LRRC34: variants seen among roughly 807,000 people sequenced by gnomAD.
LRRC34 encodes leucine rich repeat containing 34, also known as leucine-rich repeat-containing protein 34.
Under a neutral mutation model 48.5 loss-of-function variants are expected in LRRC34, and 44 were observed. The observed-to-expected ratio is 0.91, with a 90% CI of 0.71 to 1.17. LRRC34 has a LOEUF of 1.17. LRRC34 is among the 50% of genes most tolerant of loss of function. The pLI is 0.00. For synonymous variants in LRRC34, 192 were observed against 197.6 expected, an observed-to-expected ratio of 0.97 and a Z score of 0.24; for missense variants, 502 against 563.0, an observed-to-expected ratio of 0.89 and a Z score of 1.10.
Position 169,807,644 on chromosome 3 carries a change from G to A in LRRC34, c.323C>T (p.Thr108Ile), listed in dbSNP as rs1335091702. The A allele has an allele frequency of 7.9e-6, 12 of 1,515,196 alleles. No individual in the cohort carries two copies. Among genetic ancestry groups the A allele is most frequent in the African/African-American group, 1.5e-5 (1 of 67,520 alleles). The allele number at this position is 1,515,196 out of a possible 1,614,324, so 93.9% of individuals were successfully genotyped here. The change falls in exon 3 of 11, where the codon ACA (threonine) becomes ATA (isoleucine). Residue 108 changes from threonine to isoleucine, a missense_variant. Physicochemically the swap from Thr to Ile is moderately conservative, Grantham distance 89. Coordinates refer to ENST00000446859, the MANE Select transcript of LRRC34 (RefSeq NM_001172779.2). The part of the protein sequence containing the change: ...NNRLVPVERV[T>I]GEDFWILSKI... Reference sequence around the variant, plus strand: ...GGAAAGAATCCAAAAATCTTCACCTGTAACTCTTTCTACTGGCACTAAGCG... The same window carrying A: ...GGAAAGAATCCAAAAATCTTCACCTATAACTCTTTCTACTGGCACTAAGCG...
chr3:169,796,979 A>C, intron 7 of LRRC34, 80 bp from the exon 8 acceptor site: 1 of 1,131,564 alleles, frequency 8.8e-7, no homozygotes, highest in Non-Finnish European at 1.2e-6. Flanking sequence ...CTGTTATTTA[A>C]ATTAGCTTTT....
Position 169,807,438 on chromosome 3 carries a change from C to T in LRRC34, c.432G>A (p.Ala144=), listed in dbSNP as rs147903682. ...LLCDVGAYYA[A]KLLQKQLNLI... is the part of the protein sequence containing the mutation. ...AGTAAAATAATACCTGAAGCAGTTT[C>T]GCAGCATAGTATGCACCAACATCAC... The change falls in exon 4 of 11, where the codon GCG becomes GCA. Residue 144 remains alanine (A), a synonymous_variant. Transcript: ENST00000446859. 1.7e-5 allele frequency: 28 copies of T among 1,613,666 alleles called. 1 individual carries two copies. Among genetic ancestry groups the T allele is most frequent in the Admixed American group, 5.0e-5 (3 of 59,976 alleles).
In LRRC34 at chr3:169,801,140, G is replaced by A. The variant is rs183078942; in HGVS notation, c.658-386C>T. Among the ~76,000 whole-genome samples, 38 of 152,184 alleles carry A rather than the reference G, an allele frequency of 2.5e-4. 1 individual carries two copies. In the East Asian group the frequency reaches 3.9e-3, roughly 15 times the overall value. ...TACTAGTACTTTTAAGTGTGTGTGC[G>A]GTGGGAAAAGGTTACCAATCACATT... is the stretch of plus-strand genomic sequence containing the variant. On this transcript the variant is annotated intron_variant, in intron 6 of 10. Transcript: ENST00000446859.
At chr3:169,803,846 G>T in intron 6 of LRRC34, 1 of 357,698 alleles carries the variant, frequency 2.8e-6, no homozygotes, top group South Asian at 1.3e-4. Flanking sequence ...ATAGATGGAA[G>T]TTTAGGAATA....
rs1279608432 is a variant in LRRC34 at position 169,807,457 on chromosome 3, A to G, written c.413T>C (p.Val138Ala). The G allele has an allele frequency of 1.2e-6, 2 of 1,613,944 alleles. No homozygotes were observed. ...LDVGYNLLCD[V>A]GAYYAAKLLQ... ...CAGTTTCGCAGCATAGTATGCACCA[A>G]CATCACATAGAAGGTTATATCCAAC... is the stretch of plus-strand genomic sequence containing the variant. The change falls in exon 4 of 11, where the codon GTT (valine) becomes GCT (alanine). Residue 138 changes from valine to alanine, a missense_variant. Transcript: ENST00000446859.
intron 7 of LRRC34, among the ~76,000 whole-genome samples, chr3:169,799,617 A>AC (rs1485055599): frequency 6.6e-6 from 1 of 152,190 alleles, no homozygotes; most frequent in Non-Finnish European, 1.5e-5. Flanking sequence ...ATATCATGCC[A>AC]CCGCACTCCA....
chr3:169,796,573 C>T (rs6782402), intron 8 of LRRC34, 172 bp downstream of exon 8: 13,467 of 899,046 alleles, frequency 0.015, 132 homozygotes, highest in Middle Eastern at 0.025. Context: ...ATTTATGTTA[C>T]TAAAAGATAG....
At position 169,808,816 on chromosome 3, in the gene LRRC34, C is replaced by G. The variant is rs1440507157; in HGVS notation, c.140-71G>C. On this transcript the variant is annotated intron_variant, in intron 1 of 10. Transcript: ENST00000446859. Reference sequence around the variant, plus strand: ...GCTTTAAAAAAAACCATAAAAACTACCTCTTTCAAATATATGAGTTGTATG... The same window carrying G: ...GCTTTAAAAAAAACCATAAAAACTAGCTCTTTCAAATATATGAGTTGTATG... 4 of 852,162 alleles carry G rather than the reference C, an allele frequency of 4.7e-6. No individual in the cohort carries two copies. In the African/African-American group the frequency reaches 6.9e-5, roughly 15 times the overall value. 52.8% of individuals were successfully genotyped at this position (852,162 alleles called of 1,614,324 possible).
Position 169,795,535 on chromosome 3 carries a change from AAGTG to A in LRRC34, c.1137_1140del (p.Thr380SerfsTer17). The A allele has an allele frequency of 6.2e-7, 1 of 1,612,712 alleles. No individual in the cohort carries two copies. Among genetic ancestry groups the A allele is most frequent in the Non-Finnish European group, 8.5e-7 (1 of 1,179,122 alleles). On this transcript the variant is annotated frameshift_variant, in exon 10 of 11. Transcript: ENST00000446859. LOFTEE classifies it high-confidence loss of function. ...TTTCCCCAAATGTAGATATGAGAGAAAGTGAGATTTGTTTTCATTGATTGTGAAA... is the reference window on the plus strand; with the variant it reads ...TTTCCCCAAATGTAGATATGAGAGAAAGATTTGTTTTCATTGATTGTGAAA...
chr3:169,807,695 ATTCCTGCTGCTAGCCTGTTAAAATAC>A lies in LRRC34; in HGVS notation c.258-12_271del. 1 of 979,682 alleles carries A rather than the reference ATTCCTGCTGCTAGCCTGTTAAAATAC, an allele frequency of 1.0e-6. No individual in the cohort carries two copies. 60.7% of individuals were successfully genotyped at this position (979,682 alleles called of 1,614,324 possible). On this transcript the variant is annotated splice_acceptor_variant and splice_polypyrimidine_tract_variant and coding_sequence_variant and intron_variant, in exon 3 of 11. Transcript: ENST00000446859. LOFTEE classifies it high-confidence loss of function. Reference sequence around the variant, plus strand: ...ATTGTTACCAGCAATGTTTAATGTGATTCCTGCTGCTAGCCTGTTAAAATACAAAAAAAAAAAAAAAAAAAAAAGAT... The same window carrying A: ...ATTGTTACCAGCAATGTTTAATGTGAAAAAAAAAAAAAAAAAAAAAAAGAT...
At chr3:169,811,177 C>T (rs947609822) in intron 1 of LRRC34, among the ~76,000 whole-genome samples, 3 of 152,210 alleles carry the variant, frequency 2.0e-5, no homozygotes, top group Non-Finnish European at 4.4e-5. Flanking sequence ...GAAGTTGGAG[C>T]TGGGCTCCCA....
At position 169,800,009 on chromosome 3, in the gene LRRC34, G is replaced by A. The variant is rs952783263; in HGVS notation, c.753+650C>T. On this transcript the variant is annotated intron_variant, in intron 7 of 10. Transcript: ENST00000446859. ...ATTACAGACGTGAGCCACCGTGCCC[G>A]GCCAAACATTAAATTTTAAACATTG... Among the ~76,000 whole-genome samples the A allele has an allele frequency of 2.8e-4, 43 of 152,206 alleles. 2 individuals are homozygous for A. The highest frequency in any genetic ancestry group is 2.5e-3 in the Admixed American group (39 of 15,300).
intron 5 of LRRC34, among the ~76,000 whole-genome samples, 183 bp from the exon 6 acceptor site, chr3:169,804,364 C>A (rs1286861288): frequency 6.6e-6 from 1 of 151,994 alleles, no homozygotes; most frequent in Non-Finnish European, 1.5e-5. Flanking sequence ...GGTGTGATCT[C>A]GACTCAATGC....
At chr3:169,806,954 A>G (rs2108243701) in intron 4 of LRRC34, 23 bp from the exon 5 acceptor site, 1 of 1,410,500 alleles carries the variant, frequency 7.1e-7, no homozygotes, top group East Asian at 2.3e-5. Flanking sequence ...AGAAGCTATT[A>G]CACATTATTA....
intron 7 of LRRC34, among the ~76,000 whole-genome samples, chr3:169,798,425 A>G (rs140050246): frequency 5.3e-5 from 8 of 152,224 alleles, no homozygotes; most frequent in Non-Finnish European, 1.2e-4. Flanking sequence ...TTGTTATCCC[A>G]TTCCTCCACG....
At chr3:169,799,744 G>A (rs752525261) in intron 7 of LRRC34, among the ~76,000 whole-genome samples, 5 of 152,158 alleles carry the variant, frequency 3.3e-5, no homozygotes, top group African/African-American at 9.7e-5. Flanking sequence ...ATGAAGTCTC[G>A]CTCTGTCGCC....
chr3:169,793,832 AATATGC>A lies in LRRC34; in HGVS notation c.1192_1197del (p.Ala398_Tyr399del). On this transcript the variant is annotated inframe_deletion and splice_region_variant, in exon 11 of 11. Coordinates refer to ENST00000446859, the MANE Select transcript of LRRC34 (RefSeq NM_001172779.2). ...AGACAACCCATTTGAATTAAGTCTG[AATATGC>A]CTAGGATTTTTAGGAAAAAAACTAT... 1 of 1,604,618 alleles carries A rather than the reference AATATGC, an allele frequency of 6.2e-7. No individual in the cohort carries two copies.
chr3:169,800,640 C>T lies in LRRC34; in HGVS notation c.753+19G>A, dbSNP rs1238101870. 1.4e-6 allele frequency: 2 copies of T among 1,426,154 alleles called. No individual in the cohort carries two copies. The highest frequency in any genetic ancestry group is 1.9e-6 in the Non-Finnish European group (2 of 1,056,462). 88.3% of individuals were successfully genotyped at this position (1,426,154 alleles called of 1,614,324 possible). On this transcript the variant is annotated intron_variant, in intron 7 of 10. Transcript: ENST00000446859. ...TTATTCATGTTGTTATATTAACTAC[C>T]ATCACTTTGAATACATACCTGTTCA...
intron 6 of LRRC34, among the ~76,000 whole-genome samples, chr3:169,802,804 C>A (rs1326341633): frequency 2.0e-5 from 3 of 151,838 alleles, no homozygotes; most frequent in Non-Finnish European, 2.9e-5. Context: ...GAAACCCCGT[C>A]TCTACTAAAA....
Sources: allele counts gnomAD v4.1 joint callset (sites outside exome capture counted in the v4.1 genomes callset), GRCh38; gene constraint gnomAD v4.1.1; transcripts MANE v1.5; gene names NCBI Gene and HGNC (gene_info 2026-07-23, HGNC 2026-07-21).